MARCHF1: variants seen among roughly 807,000 people sequenced by gnomAD.
MARCHF1 encodes E3 ubiquitin-protein ligase MARCHF1.
In MARCHF1, 40 loss-of-function variants were observed where a neutral mutation model predicts 54.2. The observed-to-expected ratio is 0.74, with a 90% confidence interval of 0.57 to 0.96. The LOEUF is 0.96. Ranked by LOEUF, MARCHF1 falls within the 40% of genes least tolerant of loss-of-function variation. The pLI is 0.00. For missense variants in MARCHF1, 586 were observed against 656.5 expected, an observed-to-expected ratio of 0.89 and a Z score of 1.17; for synonymous variants, 236 against 236.3, an observed-to-expected ratio of 1.00 and a Z score of 0.01.
chr4:163,767,318 CA>C (rs1747009396), intron 4 of MARCHF1, among the ~76,000 whole-genome samples: 1 of 151,068 alleles, frequency 6.6e-6, no homozygotes, highest in East Asian at 1.9e-4. Context: ...GTACTGACTT[CA>C]AACCCAACAT....
chr4:163,715,218 G>C (rs1156804651), intron 4 of MARCHF1, among the ~76,000 whole-genome samples: 1 of 152,090 alleles, frequency 6.6e-6, no homozygotes, highest in Non-Finnish European at 1.5e-5. Flanking sequence ...ATCATACTTT[G>C]ACCTAGGATG....
intron 1 of MARCHF1, among the ~76,000 whole-genome samples, chr4:164,136,245 A>G (rs1756399634): frequency 6.9e-6 from 1 of 145,690 alleles, no homozygotes; most frequent in South Asian, 2.2e-4. Context: ...GAGTCCAATC[A>G]GTAAGTTCCA....
At chr4:163,810,855 A>ACCTT (rs1748364652) in intron 4 of MARCHF1, among the ~76,000 whole-genome samples, 1 of 152,140 alleles carries the variant, frequency 6.6e-6, no homozygotes, top group Non-Finnish European at 1.5e-5. Flanking sequence ...CCTTCCATCC[A>ACCTT]CCTTCCACAA....
intron 2 of MARCHF1, among the ~76,000 whole-genome samples, chr4:164,109,988 G>A (rs13101750): frequency 0.84 from 124,333 of 148,000 alleles, 52,669 homozygotes; most frequent in Non-Finnish European, 0.89. Context: ...TGCAACACCA[G>A]ATCTCTTTGC....
Position 163,952,359 on chromosome 4 carries a change from C to T in MARCHF1, c.-39+36142G>A, listed in dbSNP as rs146516424. On this transcript the variant is annotated intron_variant, in intron 3 of 9. Transcript: ENST00000514618. ...TCATATTTTTATAAAATTTACTCTA[C>T]ACGCTAGTGCAAAGCTTCTATACTA... Among the ~76,000 whole-genome samples the T allele has an allele frequency of 5.9e-3, 900 of 152,288 alleles. 6 individuals are homozygous for T. Among genetic ancestry groups the T allele is most frequent in the African/African-American group, 0.021 (853 of 41,566 alleles).
At chr4:164,033,902 G>C (rs942952015) in intron 2 of MARCHF1, among the ~76,000 whole-genome samples, 2 of 152,062 alleles carry the variant, frequency 1.3e-5, no homozygotes, top group Non-Finnish European at 2.9e-5. Flanking sequence ...AACACCATTT[G>C]ACCCAGTGAT....
intron 4 of MARCHF1, among the ~76,000 whole-genome samples, chr4:163,826,921 CA>C (rs1355690031): frequency 6.6e-6 from 1 of 151,896 alleles, no homozygotes; most frequent in Admixed American, 6.6e-5. Flanking sequence ...TTACAAATGA[CA>C]ATACTGAGGT....
intron 4 of MARCHF1, among the ~76,000 whole-genome samples, chr4:163,728,110 C>G (rs763347242): frequency 2.6e-5 from 4 of 152,302 alleles, no homozygotes; most frequent in African/African-American, 9.6e-5. Flanking sequence ...CACACTGTAG[C>G]TGGGACTACA....
chr4:163,645,784 A>G (rs891662822), intron 5 of MARCHF1, among the ~76,000 whole-genome samples: 2 of 152,152 alleles, frequency 1.3e-5, no homozygotes, highest in Non-Finnish European at 2.9e-5. Flanking sequence ...AAATTTGCCA[A>G]TTCAAGGAAC....
intron 1 of MARCHF1, among the ~76,000 whole-genome samples, chr4:164,218,970 A>ATTT (rs1329943972): frequency 1.1e-4 from 17 of 152,266 alleles, no homozygotes; most frequent in Admixed American, 2.0e-4. Context: ...GGAGGCTGAA[A>ATTT]TACCCAAGGA....
chr4:163,525,256 C>T lies in MARCHF1; in HGVS notation c.*3492G>A, dbSNP rs1738060584. 1 of 151,996 alleles carries T rather than the reference C, an allele frequency of 6.6e-6. No individual in the cohort carries two copies. The highest frequency in any genetic ancestry group is 6.6e-5 in the Admixed American group (1 of 15,226). The allele number at this position is 151,996 out of a possible 1,614,324, so 9.4% of individuals were successfully genotyped here. ...TCATTGTTCTAATGAGCTAATTTTC[C>T]TGCCAAAGAATAGATGTTTTAAAGA... On this transcript the variant is annotated 3_prime_UTR_variant, in exon 10 of 10. Coordinates refer to ENST00000514618, the MANE Select transcript of MARCHF1 (RefSeq NM_001394959.1).
chr4:164,332,878 CATGAAAGTATATAGTATAGTATA>C (rs1242604189), intron 1 of MARCHF1, among the ~76,000 whole-genome samples: 37 of 152,020 alleles, frequency 2.4e-4, no homozygotes, highest in African/African-American at 7.2e-4. Context: ...TATTGCTATA[CATGAAAGTATATAGTATAGTATA>C]ATGAAAGTAT....
chr4:164,164,529 T>C (rs13101402), intron 1 of MARCHF1, among the ~76,000 whole-genome samples: 6,909 of 152,136 alleles, frequency 0.045, 218 homozygotes, highest in Middle Eastern at 0.15. Flanking sequence ...TCTAGCCGTA[T>C]TCAGAAATGA....
chr4:164,347,976 T>TA (rs766103872), intron 1 of MARCHF1, among the ~76,000 whole-genome samples: 10 of 152,214 alleles, frequency 6.6e-5, no homozygotes, highest in East Asian at 5.8e-4. Flanking sequence ...GACCTTTTCC[T>TA]AATCCTATCA....
chr4:163,605,906 C>G (rs566541884), intron 7 of MARCHF1, among the ~76,000 whole-genome samples: 1 of 151,566 alleles, frequency 6.6e-6, no homozygotes, highest in African/African-American at 2.4e-5. Context: ...GGGCCTGTTG[C>G]GGGTTGGGGG....
At chr4:163,937,960 A>G (rs1285536790) in intron 3 of MARCHF1, among the ~76,000 whole-genome samples, 4 of 152,178 alleles carry the variant, frequency 2.6e-5, no homozygotes, top group Non-Finnish European at 4.4e-5. Flanking sequence ...TCTAGGGCAC[A>G]TAACAGAACA....
intron 9 of MARCHF1, among the ~76,000 whole-genome samples, chr4:163,533,016 T>G (rs1031293390): frequency 6.6e-6 from 1 of 151,964 alleles, no homozygotes; most frequent in African/African-American, 2.4e-5. Context: ...CTTATTCAAA[T>G]GAACAAAAAC....
chr4:163,607,604 G>A (rs1741185865), intron 7 of MARCHF1, among the ~76,000 whole-genome samples: 2 of 152,030 alleles, frequency 1.3e-5, no homozygotes, highest in African/African-American at 4.8e-5. Flanking sequence ...GTGAAGTACA[G>A]GAATGTAACC....
At chr4:163,571,055 G>A (rs544231422) in intron 8 of MARCHF1, among the ~76,000 whole-genome samples, 1 of 152,038 alleles carries the variant, frequency 6.6e-6, no homozygotes, top group South Asian at 2.1e-4. Context: ...TCTAGCCCTG[G>A]TTCCCTACAG....
Sources: gnomAD v4.1 joint callset for allele counts (sites outside exome capture counted in the v4.1 genomes callset) on GRCh38, gnomAD v4.1.1 for gene constraint, MANE v1.5 for transcripts, NCBI Gene and HGNC (gene_info 2026-07-23, HGNC 2026-07-21) for gene names.